CYP4X1: variants seen among roughly 807,000 people sequenced by gnomAD.
CYP4X1 encodes the protein cytochrome P450 4X1.
A neutral mutation model predicts 57.9 loss-of-function variants in CYP4X1; 44 were observed. That is an observed-to-expected ratio of 0.76 (90% CI 0.60 to 0.98). The LOEUF is 0.98. Ranked by LOEUF, CYP4X1 falls within the 50% of genes least tolerant of loss-of-function variation. The probability of loss-of-function intolerance (pLI) is 0.00; values close to 1 mark genes in which losing one functional copy is unlikely to be tolerated. For missense variants in CYP4X1, 532 were observed against 623.9 expected (o/e 0.85, Z 1.57); for synonymous variants, 227 against 228.6 (o/e 0.99, Z 0.06).
At chr1:46,993,415 C>A in the CYP4X1 span, among the ~76,000 whole-genome samples, 1 of 152,114 alleles carries the variant, frequency 6.6e-6, no homozygotes, top group Non-Finnish European at 1.5e-5. Context: ...GTCTTTATAG[C>A]AGCATGATTT....
At chr1:47,024,054 G>C in intron 1 of CYP4X1, 60 bp downstream of exon 1, 2 of 1,534,820 alleles carry the variant, frequency 1.3e-6, no homozygotes, top group Non-Finnish European at 1.8e-6. Context: ...TGCGGCAGAG[G>C]AGCCCAGCCG....
the CYP4X1 span, among the ~76,000 whole-genome samples, chr1:46,996,324 A>G: frequency 6.6e-6 from 1 of 152,198 alleles, no homozygotes; most frequent in Admixed American, 6.5e-5. Context: ...GATTAGGTTG[A>G]GCATCCAGGC....
downstream of CYP4X1, among the ~76,000 whole-genome samples, chr1:47,053,404 A>G (rs988612930): frequency 4.6e-5 from 7 of 152,354 alleles, no homozygotes; most frequent in Non-Finnish European, 5.9e-5. Flanking sequence ...TTATAGCAGC[A>G]TGATTTATAA....
chr1:47,045,920 G>A (rs912278424), intron 8 of CYP4X1, among the ~76,000 whole-genome samples: 4 of 152,162 alleles, frequency 2.6e-5, no homozygotes, highest in African/African-American at 9.7e-5. Flanking sequence ...CCTTGCCTCT[G>A]CTGCTGTCCT....
the CYP4X1 span, chr1:46,967,669 G>A: frequency 7.3e-6 from 4 of 544,932 alleles, no homozygotes; most frequent in East Asian, 3.8e-5. Context: ...GGCAGGTGGA[G>A]GCCCTCAGAG....
At chr1:47,023,562 G>T, upstream of CYP4X1, 1 of 1,270,534 alleles carries the variant, frequency 7.9e-7, no homozygotes, top group Non-Finnish European at 9.9e-7. Flanking sequence ...GGACGCTCCA[G>T]GAGCGCAAAA....
At chr1:47,035,741 C>G in intron 4 of CYP4X1, 65 bp from the exon 5 acceptor site, 2 of 1,559,010 alleles carry the variant, frequency 1.3e-6, no homozygotes, top group East Asian at 4.5e-5. Flanking sequence ...CAGGCAGGAG[C>G]CTTCAAATGA....
At chr1:47,004,131 G>C in the CYP4X1 span, among the ~76,000 whole-genome samples, 1 of 152,198 alleles carries the variant, frequency 6.6e-6, no homozygotes, top group Non-Finnish European at 1.5e-5. Context: ...TGTATACCAA[G>C]CAACCAATGG....
chr1:47,015,568 C>T, the CYP4X1 span, among the ~76,000 whole-genome samples: 18 of 152,180 alleles, frequency 1.2e-4, no homozygotes, highest in African/African-American at 4.1e-4. Context: ...AAAACCAAAA[C>T]TACTGTGTTA....
downstream of CYP4X1, among the ~76,000 whole-genome samples, chr1:47,051,328 G>A (rs1282080616): frequency 6.6e-6 from 1 of 150,768 alleles, no homozygotes; most frequent in Non-Finnish European, 1.5e-5. Flanking sequence ...GCAGTGAGCC[G>A]AGGTGGCGCC....
intron 4 of CYP4X1, among the ~76,000 whole-genome samples, chr1:47,035,132 TA>T (rs1644166246): frequency 6.6e-6 from 1 of 151,524 alleles, no homozygotes; most frequent in African/African-American, 2.4e-5. Context: ...CCTGAACTTT[TA>T]AAATTTCAAT....
the CYP4X1 span, among the ~76,000 whole-genome samples, chr1:46,964,703 G>A: frequency 6.6e-6 from 1 of 152,186 alleles, no homozygotes; most frequent in Non-Finnish European, 1.5e-5. Flanking sequence ...CACTTGAGGT[G>A]GCAGTCTGTC....
the CYP4X1 span, among the ~76,000 whole-genome samples, chr1:46,969,377 A>G: frequency 3.9e-5 from 6 of 152,206 alleles, no homozygotes; most frequent in African/African-American, 1.4e-4. Context: ...AATCCTTTAT[A>G]GCAATGCAAG....
the CYP4X1 span, among the ~76,000 whole-genome samples, chr1:46,973,439 C>T: frequency 1.1e-4 from 16 of 152,038 alleles, no homozygotes; most frequent in Non-Finnish European, 1.9e-4. Flanking sequence ...ATGCTGGCCT[C>T]GTAGAATGAG....
At chr1:47,000,728 G>A in the CYP4X1 span, among the ~76,000 whole-genome samples, 4 of 152,056 alleles carry the variant, frequency 2.6e-5, no homozygotes, top group Non-Finnish European at 5.9e-5. Context: ...AGGTAGAGAA[G>A]CAGGTAGGGA....
the CYP4X1 span, chr1:46,967,558 G>C: frequency 4.1e-6 from 1 of 246,706 alleles, no homozygotes; most frequent in Admixed American, 5.6e-5. Context: ...GAGTACAGAA[G>C]GGAGGATAGC....
the CYP4X1 span, among the ~76,000 whole-genome samples, chr1:46,993,143 T>C: frequency 1.4e-5 from 2 of 141,268 alleles, no homozygotes; most frequent in African/African-American, 5.3e-5. Flanking sequence ...CCATGTGTTC[T>C]CATTGTTCAA....
downstream of CYP4X1, among the ~76,000 whole-genome samples, chr1:47,054,278 A>C (rs1644379013): frequency 6.6e-6 from 1 of 151,930 alleles, no homozygotes; most frequent in Non-Finnish European, 1.5e-5. Context: ...ATTGATCTAT[A>C]TCTCTGTTTT....
the CYP4X1 span, among the ~76,000 whole-genome samples, chr1:47,011,926 G>C: frequency 1.3e-5 from 2 of 152,204 alleles, no homozygotes; most frequent in African/African-American, 4.8e-5. Flanking sequence ...CTGGAGAGGA[G>C]GTGGAGAAAT....
Sources: allele counts gnomAD v4.1 joint callset (sites outside exome capture counted in the v4.1 genomes callset), GRCh38; gene constraint gnomAD v4.1.1; transcripts MANE v1.5; gene names NCBI Gene and HGNC (gene_info 2026-07-23, HGNC 2026-07-21).